Variants in EPM2A observed in about 807,000 individuals in gnomAD.
The protein encoded by EPM2A is laforin.
EPM2A carries 21 observed loss-of-function variants against 26.5 expected under a neutral mutation model. That is an observed-to-expected ratio of 0.79 (90% CI 0.56 to 1.14). The LOEUF (loss-of-function observed/expected upper bound fraction) is 1.14. Among genes scored for constraint, EPM2A ranks in the 50% most tolerant of loss-of-function variants. EPM2A has a pLI of 0.00. For missense variants in EPM2A, 458 were observed against 440.8 expected (o/e 1.04, Z -0.35); for synonymous variants, 217 against 177.6 (o/e 1.22, Z -1.76).
intron 4 of EPM2A, among the ~76,000 whole-genome samples, chr6:145,436,457 C>G (rs1778989585): frequency 6.6e-6 from 1 of 152,150 alleles, no homozygotes. Flanking sequence ...ACATTTCCAC[C>G]AGCAATGCAT....
intron 2 of EPM2A, among the ~76,000 whole-genome samples, chr6:145,502,775 T>A (rs1321133480): frequency 8.5e-5 from 13 of 152,244 alleles, no homozygotes. Context: ...TGACTATTAA[T>A]ATATTTATTT....
intron 2 of EPM2A, among the ~76,000 whole-genome samples, chr6:145,614,586 G>A (rs575073920): frequency 6.6e-6 from 1 of 152,276 alleles, no homozygotes; most frequent in South Asian, 2.1e-4. Flanking sequence ...TGAGCACTTA[G>A]AGGGTATTGC....
At chr6:145,643,274 G>GA (rs1777218826) in intron 2 of EPM2A, among the ~76,000 whole-genome samples, 1 of 152,076 alleles carries the variant, frequency 6.6e-6, no homozygotes. Context: ...ATTTTTACAA[G>GA]ACTCAGAGTT....
Position 145,686,138 on chromosome 6 carries a change from C to G in EPM2A, c.460G>C (p.Ala154Pro), listed in dbSNP as rs1379565796. 6.2e-6 allele frequency: 10 copies of G among 1,613,688 alleles called. No homozygotes were observed. The Admixed American group carries it at 1.7e-4, about 27-fold the overall frequency. ...DFYFNIAGHQ[A>P]MHYSRILPNI... is the part of the protein sequence containing the mutation. ...TATTTTTACCTTGAATAATGCATGG[C>G]TTGGTGGCCTGCAATATTAAAATAG... is the stretch of plus-strand genomic sequence containing the variant. Residue 154 changes from alanine to proline, a missense_variant, in exon 2 of 4, where the codon GCC (alanine) becomes CCC (proline). Physicochemically the swap from Ala to Pro is conservative, Grantham distance 27 (BLOSUM62 -1). Transcript: ENST00000367519.
At chr6:145,386,503 G>A (rs748955711) in intron 4 of EPM2A, among the ~76,000 whole-genome samples, 1 of 151,898 alleles carries the variant, frequency 6.6e-6, no homozygotes, top group Non-Finnish European at 1.5e-5. Context: ...TAATAGAGCC[G>A]TCACTAGATA....
At chr6:145,489,830 C>T in intron 4 of EPM2A, 1 of 1,448,318 alleles carries the variant, frequency 6.9e-7, no homozygotes. Context: ...TCTAGAAGTT[C>T]AGTTTGTACT....
At chr6:145,583,975 C>G (rs1474007059) in intron 2 of EPM2A, among the ~76,000 whole-genome samples, 1 of 152,118 alleles carries the variant, frequency 6.6e-6, no homozygotes, top group African/African-American at 2.4e-5. Flanking sequence ...TGCACTTGTG[C>G]CAGCAGAGGC....
At chr6:145,439,895 T>G (rs969204305) in intron 4 of EPM2A, among the ~76,000 whole-genome samples, 2 of 152,236 alleles carry the variant, frequency 1.3e-5, no homozygotes, top group African/African-American at 4.8e-5. Context: ...CTTTGCCAGT[T>G]CCAATGTCCA....
At chr6:145,567,665 G>A (rs907481151) in intron 2 of EPM2A, among the ~76,000 whole-genome samples, 2 of 152,216 alleles carry the variant, frequency 1.3e-5, no homozygotes, top group Non-Finnish European at 2.9e-5. Context: ...AATTGTATCT[G>A]TGAAACTCTT....
intron 2 of EPM2A, chr6:145,640,037 G>A (rs534969968): frequency 3.3e-5 from 5 of 152,190 alleles, no homozygotes; most frequent in Non-Finnish European, 7.3e-5. Context: ...ACTCATTTGA[G>A]TGAATCTGGA....
intron 2 of EPM2A, among the ~76,000 whole-genome samples, chr6:145,565,318 T>G (rs1171453259): frequency 6.6e-6 from 1 of 152,138 alleles, no homozygotes; most frequent in Non-Finnish European, 1.5e-5. Flanking sequence ...CATGACCCCA[T>G]GTGATGTATC....
chr6:145,557,619 T>C lies in EPM2A; in HGVS notation c.341-55044A>G, dbSNP rs149722964. ...ATCATTTTATTTTTAAATTGACACA[T>C]AGAAATTGTGTATATTTACTGTGTG... On this transcript the variant is annotated intron_variant, in intron 2 of 3. Coordinates refer to the EPM2A transcript ENST00000450221. 1.8e-4 allele frequency among the ~76,000 whole-genome samples: 27 copies of C among 152,226 alleles called. No homozygotes were observed. In the East Asian group the frequency reaches 4.8e-3, roughly 27 times the overall value.
chr6:145,527,696 A>C (rs418662), intron 2 of EPM2A, among the ~76,000 whole-genome samples: 83,337 of 151,902 alleles, frequency 0.55, 23,458 homozygotes, highest in African/African-American at 0.68. Context: ...TTAAAGACAG[A>C]AGAAGGATGG....
intron 2 of EPM2A, among the ~76,000 whole-genome samples, chr6:145,601,570 A>G (rs1320881269): frequency 2.0e-5 from 3 of 152,226 alleles, no homozygotes; most frequent in Non-Finnish European, 4.4e-5. Flanking sequence ...GCATTTCCCA[A>G]CTAAGTGTTT....
Position 145,735,258 on chromosome 6 carries a change from C to T in EPM2A, c.241G>A (p.Val81Met), listed in dbSNP as rs747386643. ...AAQDGAEPGR[V>M]DTFWYKFLKR... The stretch of plus-strand genomic sequence containing the variant: ...AGGAACTTGTACCAGAACGTGTCCA[C>T]GCGGCCCGGCTCCGCCCCGTCCTGC... Residue 81 changes from valine to methionine, a missense_variant, in exon 1 of 4, where the codon GTG (valine) becomes ATG (methionine). Transcript: ENST00000367519. 91 of 1,526,594 alleles carry T rather than the reference C, an allele frequency of 6.0e-5. No individual in the cohort carries two copies. Among genetic ancestry groups the T allele is most frequent in the Admixed American group, 1.0e-4 (5 of 50,220 alleles). 94.6% of individuals were successfully genotyped at this position (1,526,594 alleles called of 1,614,324 possible).
chr6:145,680,680 T>C (rs4343934), intron 2 of EPM2A, among the ~76,000 whole-genome samples: 1,802 of 152,276 alleles, frequency 0.012, 14 homozygotes, highest in Admixed American at 0.022. Context: ...CTGAGAATGA[T>C]GGTGTCAAGC....
intron 1 of EPM2A, chr6:145,705,404 T>C (rs912189315): frequency 5.6e-6 from 2 of 356,358 alleles, no homozygotes; most frequent in Non-Finnish European, 1.1e-5. Flanking sequence ...CACACACAAG[T>C]TAGCTGGGCA....
At chr6:145,464,963 T>A (rs559200098) in intron 4 of EPM2A, among the ~76,000 whole-genome samples, 10 of 152,272 alleles carry the variant, frequency 6.6e-5, no homozygotes, top group African/African-American at 2.4e-4. Flanking sequence ...TTGGTGTTGC[T>A]CTTCCCGAGG....
chr6:145,723,897 A>G (rs949426186), intron 1 of EPM2A, among the ~76,000 whole-genome samples: 23 of 152,318 alleles, frequency 1.5e-4, no homozygotes, highest in African/African-American at 5.0e-4. Context: ...CTGTGGATGC[A>G]TAACGTAAAC....
Sources: allele counts gnomAD v4.1 joint callset (sites outside exome capture counted in the v4.1 genomes callset), GRCh38; gene constraint gnomAD v4.1.1; transcripts MANE v1.5; gene names NCBI Gene and HGNC (gene_info 2026-07-23, HGNC 2026-07-21).